The following ATP8B4 variants were observed in gnomAD, a reference collection of about 807,000 sequenced individuals.
ATP8B4 encodes ATPase phospholipid transporting 8B4 (putative).
In ATP8B4, 133 loss-of-function variants were observed where a neutral mutation model predicts 145.6. The ratio of observed to expected loss-of-function variants is 0.91; its 90% CI spans 0.79 to 1.05. ATP8B4 has a LOEUF of 1.05. Among genes scored for constraint, ATP8B4 ranks in the 50% least tolerant of loss-of-function variants. The pLI is 0.00. For synonymous variants in ATP8B4, 507 were observed against 492.9 expected (o/e 1.03, Z -0.38); for missense variants, 1,458 against 1,425.2 (o/e 1.02, Z -0.37).
In ATP8B4 at chr15:49,871,283, C is replaced by G. The variant is rs551927783; in HGVS notation, c.3028-4799G>C. Among the ~76,000 whole-genome samples, 468 of 152,258 alleles carry G rather than the reference C, an allele frequency of 3.1e-3. 3 individuals carry two copies. Among genetic ancestry groups the G allele is most frequent in the African/African-American group, 0.011 (449 of 41,548 alleles). On this transcript the variant is annotated intron_variant, in intron 25 of 27. Coordinates refer to ENST00000284509, the MANE Select transcript of ATP8B4 (RefSeq NM_024837.4). ...GGCACAGTATCCAGTGTTTCCTTTA[C>G]GCTCAGTATAAGGTTTGTTCTCATA...
intron 20 of ATP8B4, 82 bp downstream of exon 20, chr15:49,916,852 T>G (rs2039787876): frequency 1.5e-6 from 2 of 1,321,380 alleles, no homozygotes; most frequent in African/African-American, 1.5e-5. Flanking sequence ...ATAGCATAGC[T>G]TTTCACTTTC....
chr15:49,887,612 C>A (rs1000883476), intron 23 of ATP8B4, among the ~76,000 whole-genome samples: 3 of 151,874 alleles, frequency 2.0e-5, no homozygotes, highest in Admixed American at 6.6e-5. Context: ...CATGCTACTA[C>A]AAGATGTCAC....
At chr15:50,084,808 T>A (rs1024425369) in intron 2 of ATP8B4, among the ~76,000 whole-genome samples, 1 of 152,082 alleles carries the variant, frequency 6.6e-6, no homozygotes, top group Non-Finnish European at 1.5e-5. Flanking sequence ...TCTGCTTTCG[T>A]TGTCACATCT....
chr15:49,876,420 C>G lies in ATP8B4; in HGVS notation c.2885G>C (p.Gly962Ala), dbSNP rs751986463. 6.2e-7 allele frequency: 1 copy of G among 1,612,792 alleles called. No homozygotes were observed. The highest frequency in any genetic ancestry group is 1.1e-5 in the South Asian group (1 of 90,998). The change falls in exon 25 of 28, where the codon GGA (glycine) becomes GCA (alanine). Residue 962 changes from glycine to alanine, a missense_variant. Transcript: ENST00000284509. ...GAAAAGGACTAATGAGGTGTAGATT[C>G]CATGCAACACGCAAATGAAAAATTT... ...KRKFFICVLH[G>A]IYTSLVLFFI...
At chr15:49,937,990 G>T (rs1267587601) in intron 14 of ATP8B4, among the ~76,000 whole-genome samples, 2 of 152,104 alleles carry the variant, frequency 1.3e-5, no homozygotes, top group Non-Finnish European at 2.9e-5. Flanking sequence ...GCCATATATG[G>T]TAAGTGCCAT....
At chr15:49,905,980 A>G (rs2038577500) in intron 20 of ATP8B4, among the ~76,000 whole-genome samples, 1 of 150,470 alleles carries the variant, frequency 6.6e-6, no homozygotes, top group African/African-American at 2.5e-5. Flanking sequence ...ACACACATGC[A>G]CACACACTTT....
At chr15:49,902,799 T>G (rs2038184111) in intron 20 of ATP8B4, among the ~76,000 whole-genome samples, 2 of 152,164 alleles carry the variant, frequency 1.3e-5, no homozygotes, top group African/African-American at 4.8e-5. Context: ...TCCTTGGAAA[T>G]GAACATTTCT....
At chr15:50,136,772 C>T (rs2044128662) in intron 1 of ATP8B4, among the ~76,000 whole-genome samples, 1 of 152,094 alleles carries the variant, frequency 6.6e-6, no homozygotes, top group Non-Finnish European at 1.5e-5. Flanking sequence ...CCAGCTCTGC[C>T]ACGCAGCAGC....
chr15:50,047,273 A>C (rs985884027), intron 4 of ATP8B4, 78 bp downstream of exon 4: 9 of 884,174 alleles, frequency 1.0e-5, no homozygotes, highest in Middle Eastern at 3.0e-4. Context: ...CATTTAGCTA[A>C]GTAAATTGAC....
chr15:49,979,625 T>C lies in ATP8B4; in HGVS notation c.1026A>G (p.Leu342=). The part of the protein sequence containing the change: ...IILNTVVPIS[L]YVSVEVIRLG... ...ATAAACTCTCATCTTACCTCACATA[T>C]AAGGAAATGGGTACAACTGTATTGA... is the stretch of plus-strand genomic sequence containing the variant. Residue 342 remains leucine, a synonymous_variant, in exon 12 of 28, where the codon TTA becomes TTG. Coordinates refer to ENST00000284509, the MANE Select transcript of ATP8B4 (RefSeq NM_024837.4). 6.7e-7 allele frequency: 1 copy of C among 1,483,272 alleles called. No homozygotes were observed. The highest frequency in any genetic ancestry group is 9.1e-7 in the Non-Finnish European group (1 of 1,099,094). 91.9% of individuals were successfully genotyped at this position (1,483,272 alleles called of 1,614,324 possible).
chr15:50,169,332 C>T (rs1344506955), intron 1 of ATP8B4, among the ~76,000 whole-genome samples: 1 of 152,202 alleles, frequency 6.6e-6, no homozygotes, highest in Admixed American at 6.5e-5. Flanking sequence ...GCTGAGAGAC[C>T]CATAGACGGT....
chr15:49,906,479 G>A (rs147233766), intron 20 of ATP8B4, among the ~76,000 whole-genome samples: 72 of 152,214 alleles, frequency 4.7e-4, no homozygotes, highest in Non-Finnish European at 8.2e-4. Context: ...TAACTCAATC[G>A]CTCCTTTTCC....
intron 7 of ATP8B4, among the ~76,000 whole-genome samples, chr15:50,003,904 G>A (rs1212726719): frequency 7.2e-5 from 11 of 152,070 alleles, no homozygotes; most frequent in African/African-American, 9.7e-5. Context: ...TGACTGAGGC[G>A]CCACTGCCAT....
chr15:50,001,303 G>A (rs541768771), intron 8 of ATP8B4, among the ~76,000 whole-genome samples: 7 of 152,154 alleles, frequency 4.6e-5, no homozygotes, highest in African/African-American at 4.8e-5. Context: ...TGCCATAAAT[G>A]TTCCTCTCAG....
chr15:50,105,708 T>C (rs2056643188), intron 2 of ATP8B4, among the ~76,000 whole-genome samples: 1 of 152,174 alleles, frequency 6.6e-6, no homozygotes, highest in Non-Finnish European at 1.5e-5. Context: ...ACTTATGCTT[T>C]CTTATTTTTA....
intron 2 of ATP8B4, among the ~76,000 whole-genome samples, chr15:50,097,960 G>A (rs999121102): frequency 2.0e-5 from 3 of 152,258 alleles, no homozygotes; most frequent in Non-Finnish European, 2.9e-5. Flanking sequence ...TTACAAATGC[G>A]AAAATTGAGG....
intron 1 of ATP8B4, among the ~76,000 whole-genome samples, chr15:50,144,854 C>G (rs11632411): frequency 6.6e-6 from 1 of 151,968 alleles, no homozygotes; most frequent in African/African-American, 2.4e-5. Context: ...AGTTCACTTA[C>G]TCCTGGAAGC....
intron 3 of ATP8B4, among the ~76,000 whole-genome samples, chr15:50,049,315 C>A (rs1022248088): frequency 2.0e-5 from 3 of 152,296 alleles, no homozygotes; most frequent in African/African-American, 7.2e-5. Context: ...TCTCCTCACT[C>A]TAGTAATCCC....
At chr15:50,054,713 G>A (rs2052452630) in intron 3 of ATP8B4, among the ~76,000 whole-genome samples, 1 of 150,014 alleles carries the variant, frequency 6.7e-6, no homozygotes, top group South Asian at 2.1e-4. Context: ...GAACCCAGGA[G>A]GCTGAGCTTG....
Sources: gnomAD v4.1 joint callset for allele counts (sites outside exome capture counted in the v4.1 genomes callset) on GRCh38, gnomAD v4.1.1 for gene constraint, MANE v1.5 for transcripts, NCBI Gene and HGNC (gene_info 2026-07-23, HGNC 2026-07-21) for gene names.